The following DMD variants were observed in gnomAD, a reference collection of about 807,000 sequenced individuals.
DMD encodes the protein dystrophin, also known as mutant dystrophin.
A neutral mutation model predicts 330.1 loss-of-function variants in DMD; 63 were observed. The observed-to-expected ratio is 0.19, with a 90% CI of 0.16 to 0.24. The LOEUF is 0.24. DMD is among the 10% of genes least tolerant of loss of function. The pLI, the probability that DMD is intolerant of heterozygous loss-of-function variation, is 1.00. For missense variants in DMD, 3,344 were observed against 2,684.1 expected (o/e 1.25, Z -5.43); for synonymous variants, 1,223 against 959.8 (o/e 1.27, Z -5.07).
At chrX:32,918,142 G>T (rs1046474554) in intron 2 of DMD, among the ~76,000 whole-genome samples, 2 of 110,966 alleles carry the variant, frequency 1.8e-5, no homozygotes, top group African/African-American at 6.6e-5. Flanking sequence ...CTATTTTATG[G>T]CTAAAATATA....
chrX:32,175,888 T>C (rs749374938), intron 44 of DMD, among the ~76,000 whole-genome samples: 2 of 111,923 alleles, frequency 1.8e-5, no homozygotes, highest in South Asian at 7.5e-4. Flanking sequence ...TTAAGACATT[T>C]ATCTCAAATA....
At chrX:33,065,427 T>C (rs781242902) in intron 1 of DMD, among the ~76,000 whole-genome samples, 10 of 112,623 alleles carry the variant, frequency 8.9e-5, no homozygotes, top group African/African-American at 2.6e-4. Flanking sequence ...TCAGTTTGAT[T>C]CATTAAGGGA....
At chrX:32,610,696 GA>G in intron 12 of DMD, among the ~76,000 whole-genome samples, 1 of 110,904 alleles carries the variant, frequency 9.0e-6, no homozygotes, top group Non-Finnish European at 1.9e-5. Context: ...TCATCTTTAA[GA>G]AAAAATGGTG....
intron 43 of DMD, among the ~76,000 whole-genome samples, chrX:32,219,780 T>C (rs987356519): frequency 8.9e-6 from 1 of 111,798 alleles, no homozygotes; most frequent in Admixed American, 9.5e-5. Flanking sequence ...GACATACTGC[T>C]ATAAATGCCC....
chrX:32,788,027 C>G (rs145988546), intron 7 of DMD, among the ~76,000 whole-genome samples: 74 of 111,371 alleles, frequency 6.6e-4, no homozygotes, highest in African/African-American at 2.2e-3. Context: ...TACACGTGAG[C>G]AATACTGAGC....
intron 54 of DMD, among the ~76,000 whole-genome samples, chrX:31,653,553 G>T (rs909054221): frequency 9.1e-6 from 1 of 109,885 alleles, no homozygotes; most frequent in Non-Finnish European, 1.9e-5. Flanking sequence ...CCCTCATACA[G>T]CTACAAGCAG....
chrX:32,257,069 C>T (rs1434759825), intron 43 of DMD, among the ~76,000 whole-genome samples: 1 of 111,499 alleles, frequency 9.0e-6, no homozygotes, highest in Non-Finnish European at 1.9e-5. Context: ...TTCACAATTG[C>T]TACAAAGAGA....
At chrX:31,130,612 C>T (rs774404681) in intron 77 of DMD, among the ~76,000 whole-genome samples, 11 of 111,996 alleles carry the variant, frequency 9.8e-5, no homozygotes, top group Non-Finnish European at 1.5e-4. Context: ...TGTTGGCCAT[C>T]GGTTTATCAC....
chrX:31,409,977 CCTGA>C (rs1247751448), intron 60 of DMD, among the ~76,000 whole-genome samples: 6 of 110,965 alleles, frequency 5.4e-5, no homozygotes, highest in Non-Finnish European at 3.8e-5. Context: ...CGCCACCATG[CCTGA>C]CTAATTTTTG....
chrX:32,507,538 C>T (rs767818378), intron 18 of DMD, among the ~76,000 whole-genome samples: 4 of 111,514 alleles, frequency 3.6e-5, no homozygotes, highest in Non-Finnish European at 7.5e-5. Flanking sequence ...CCTTTAATAT[C>T]TTGTTAACCA....
intron 62 of DMD, among the ~76,000 whole-genome samples, chrX:31,282,084 C>T (rs760536570): frequency 1.6e-4 from 18 of 111,573 alleles, no homozygotes; most frequent in Admixed American, 2.9e-4. Context: ...GGTGAACAAA[C>T]GAGATAACAT....
At chrX:32,787,015 G>A (rs1482977367) in intron 7 of DMD, among the ~76,000 whole-genome samples, 2 of 111,447 alleles carry the variant, frequency 1.8e-5, no homozygotes, top group African/African-American at 6.5e-5. Flanking sequence ...GAGAGTCTGG[G>A]AACCAATTCA....
chrX:32,914,646 C>A (rs992491896), intron 2 of DMD, among the ~76,000 whole-genome samples: 1 of 112,191 alleles, frequency 8.9e-6, no homozygotes, highest in African/African-American at 3.2e-5. Flanking sequence ...AACGAAAAAT[C>A]TTCGAGCAGC....
chrX:33,325,863 G>A (rs772283593), intron 1 of DMD, among the ~76,000 whole-genome samples: 25 of 111,264 alleles, frequency 2.2e-4, no homozygotes, highest in African/African-American at 4.6e-4. Flanking sequence ...CCTTATAAAC[G>A]AAACTGTCAA....
chrX:32,537,044 A>G (rs560804233), intron 17 of DMD, among the ~76,000 whole-genome samples: 2 of 111,865 alleles, frequency 1.8e-5, no homozygotes, highest in African/African-American at 3.3e-5. Context: ...AAGAGAATTT[A>G]ACAGGTACAT....
intron 59 of DMD, 27 bp downstream of exon 59, chrX:31,478,079 G>T: frequency 8.3e-7 from 1 of 1,206,058 alleles, no homozygotes; most frequent in Non-Finnish European, 1.1e-6. Context: ...CTCTCAAAGG[G>T]CCCTGAAGCA....
chrX:32,670,847 G>T (rs1417602800), intron 9 of DMD, among the ~76,000 whole-genome samples: 1 of 111,589 alleles, frequency 9.0e-6, no homozygotes, highest in Non-Finnish European at 1.9e-5. Context: ...TGGCAGTAGT[G>T]AACACTGTAC....
At chrX:32,587,130 A>G (rs1418000374) in intron 13 of DMD, among the ~76,000 whole-genome samples, 1 of 111,976 alleles carries the variant, frequency 8.9e-6, no homozygotes, top group Non-Finnish European at 1.9e-5. Flanking sequence ...GATATGTACT[A>G]TAAAAATTTC....
chrX:32,324,400 T>A (rs1228159209), intron 41 of DMD, among the ~76,000 whole-genome samples: 2 of 111,254 alleles, frequency 1.8e-5, no homozygotes, highest in Non-Finnish European at 3.8e-5. Context: ...AAAACCATTT[T>A]TTAAAAAGTG....
Sources: allele counts gnomAD v4.1 joint callset (sites outside exome capture counted in the v4.1 genomes callset), GRCh38; gene constraint gnomAD v4.1.1; transcripts MANE v1.5; gene names NCBI Gene and HGNC (gene_info 2026-07-23, HGNC 2026-07-21).